ZNF233: variants seen among roughly 807,000 people sequenced by gnomAD.
ZNF233 encodes the protein zinc finger protein 233.
A neutral mutation model predicts 11.6 loss-of-function variants in ZNF233; 7 were observed. The observed-to-expected ratio is 0.60, with a 90% CI of 0.34 to 1.13. The LOEUF (loss-of-function observed/expected upper bound fraction) is 1.13, where lower values mean the gene tolerates loss of function less well. ZNF233 is among the 50% of genes most tolerant of loss of function. ZNF233 has a pLI of 0.03. For synonymous variants in ZNF233, 226 were observed against 268.5 expected, an observed-to-expected ratio of 0.84 and a Z score of 1.55; for missense variants, 711 against 785.5, an observed-to-expected ratio of 0.91 and a Z score of 1.13.
At position 44,273,902 on chromosome 19, in the gene ZNF233, A is replaced by G. The variant is rs1236379207; in HGVS notation, c.1242A>G (p.Gln414=). 3 of 1,614,124 alleles carry G rather than the reference A, an allele frequency of 1.9e-6. No homozygotes were observed. Among genetic ancestry groups the G allele is most frequent in the Non-Finnish European group, 2.5e-6 (3 of 1,180,050 alleles). The change falls in exon 5 of 5, where the codon CAA becomes CAG. Residue 414 remains glutamine, a synonymous_variant. Coordinates refer to ENST00000683810, the MANE Select transcript of ZNF233 (RefSeq NM_001207005.2). ...GCTTCAGTCAGACATCACAACTTCA[A>G]GCCCATCAGAGAGGTCACTCTAGAG... ...DKGFSQTSQL[Q]AHQRGHSRDK...
chr19:44,272,660 G>A (rs941363031), intron 4 of ZNF233, among the ~76,000 whole-genome samples: 5 of 152,042 alleles, frequency 3.3e-5, no homozygotes, highest in Non-Finnish European at 5.9e-5. Flanking sequence ...GAATGAACCC[G>A]GGAGGTGGAG....
rs1460261062 is a variant in ZNF233, at chr19:44,273,697, T to C, written c.1037T>C (p.Val346Ala). The stretch of plus-strand genomic sequence containing the variant: ...GGAGAGAACCTCTACAGATGTCAGG[T>C]ATATGCCCGGAGCTCCAACCAGAAC... ...STGENLYRCQ[V>A]YARSSNQNSC... is the part of the protein sequence containing the mutation. The change falls in exon 5 of 5, where the codon GTA becomes GCA. Residue 346 changes from valine (V) to alanine (A), a missense_variant. By Grantham distance (64) the Val-to-Ala change is moderately conservative. Coordinates refer to ENST00000683810, the MANE Select transcript of ZNF233 (RefSeq NM_001207005.2). 3 of 1,613,840 alleles carry C rather than the reference T, an allele frequency of 1.9e-6. No individual in the cohort carries two copies. The highest frequency in any genetic ancestry group is 1.1e-5 in the South Asian group (1 of 91,058).
At chr19:44,260,068 T>TG (rs984763789) in intron 1 of ZNF233, 130 bp downstream of exon 1, 2 of 352,340 alleles carry the variant, frequency 5.7e-6, no homozygotes, top group Non-Finnish European at 1.2e-5. Flanking sequence ...GCTTGCCCTT[T>TG]GTTTTTAGGG....
At chr19:44,272,261 T>C (rs1975255627) in intron 4 of ZNF233, among the ~76,000 whole-genome samples, 1 of 145,476 alleles carries the variant, frequency 6.9e-6, no homozygotes. Flanking sequence ...CTCTTTTCCA[T>C]GGCAGATGTA....
At chr19:44,266,407 A>G (rs1351964349) in intron 3 of ZNF233, 83 bp downstream of exon 3, 1 of 1,385,158 alleles carries the variant, frequency 7.2e-7, no homozygotes, top group East Asian at 2.6e-5. Flanking sequence ...GGGACGCTTA[A>G]AATGCTTCCC....
At chr19:44,269,297 T>G (rs71362680) in intron 4 of ZNF233, among the ~76,000 whole-genome samples, 56 of 149,090 alleles carry the variant, frequency 3.8e-4, no homozygotes, top group African/African-American at 1.3e-3. Flanking sequence ...ACTGTTTTTG[T>G]TTTTTTTTTC....
chr19:44,272,631 A>G (rs1975267349), intron 4 of ZNF233, among the ~76,000 whole-genome samples: 1 of 152,126 alleles, frequency 6.6e-6, no homozygotes, highest in Non-Finnish European at 1.5e-5. Flanking sequence ...GCTACTCGGG[A>G]GGCCGAGGCA....
intron 2 of ZNF233, among the ~76,000 whole-genome samples, chr19:44,265,705 C>G (rs1353588639): frequency 1.3e-5 from 2 of 152,322 alleles, no homozygotes; most frequent in East Asian, 3.9e-4. Flanking sequence ...CAGGCGTGAG[C>G]CACTGCGGCC....
intron 4 of ZNF233, 169 bp downstream of exon 4, chr19:44,267,130 A>C (rs1975111295): frequency 5.8e-6 from 3 of 513,244 alleles, no homozygotes; most frequent in Middle Eastern, 4.2e-4. Flanking sequence ...TCCATTCTCC[A>C]CATAGCCAGA....
intron 4 of ZNF233, among the ~76,000 whole-genome samples, chr19:44,272,671 C>A (rs1038815238): frequency 6.6e-6 from 1 of 151,930 alleles, no homozygotes; most frequent in African/African-American, 2.4e-5. Flanking sequence ...GGAGGTGGAG[C>A]TTGCAGTGAG....
chr19:44,259,917 C>G lies in ZNF233; in HGVS notation c.-69C>G. On this transcript the variant is annotated 5_prime_UTR_variant, in exon 1 of 5. Coordinates refer to ENST00000683810, the MANE Select transcript of ZNF233 (RefSeq NM_001207005.2). ...TTCCGCTGCAGGAGGGCGAAGCAGC[C>G]GTCATCTATCCCCTCTGGGAGGTGA... 2.2e-6 allele frequency: 1 copy of G among 456,068 alleles called. No individual in the cohort carries two copies. Among genetic ancestry groups the G allele is most frequent in the Non-Finnish European group, 4.4e-6 (1 of 226,724 alleles). 28.3% of individuals were successfully genotyped at this position (456,068 alleles called of 1,614,324 possible).
At chr19:44,272,248 C>T (rs955312621) in intron 4 of ZNF233, among the ~76,000 whole-genome samples, 1 of 148,772 alleles carries the variant, frequency 6.7e-6, no homozygotes, top group Non-Finnish European at 1.5e-5. Context: ...AAAAAATCCT[C>T]TCCTCTTTTC....
At chr19:44,271,959 T>A (rs1975247926) in intron 4 of ZNF233, among the ~76,000 whole-genome samples, 1 of 151,760 alleles carries the variant, frequency 6.6e-6, no homozygotes, top group Non-Finnish European at 1.5e-5. Flanking sequence ...GCATGGTGGC[T>A]CACACCTGTA....
Position 44,274,583 on chromosome 19 carries a change from C to T in ZNF233, c.1923C>T (p.Val641=). The change falls in exon 5 of 5, where the codon GTC becomes GTT. Residue 641 remains valine, a synonymous_variant. Transcript: ENST00000683810. ...QTSHLQAHQR[V]HTGEKPYKCF... Reference sequence around the variant, plus strand: ...CACATCTTCAAGCCCATCAGAGAGTCCATACTGGAGAGAAACCATACAAAT... The same window carrying T: ...CACATCTTCAAGCCCATCAGAGAGTTCATACTGGAGAGAAACCATACAAAT... 1 of 1,614,042 alleles carries T rather than the reference C, an allele frequency of 6.2e-7. No individual in the cohort carries two copies. The highest frequency in any genetic ancestry group is 8.5e-7 in the Non-Finnish European group (1 of 1,179,992).
intron 2 of ZNF233, 58 bp downstream of exon 2, chr19:44,264,433 G>C: frequency 6.6e-7 from 1 of 1,526,370 alleles, no homozygotes; most frequent in South Asian, 1.2e-5. Context: ...TCAAAGATTA[G>C]ACACTTTTTT....
chr19:44,274,631 T>G lies in ZNF233; in HGVS notation c.1971T>G (p.Phe657Leu), dbSNP rs375321862. The change falls in exon 5 of 5, where the codon TTT (phenylalanine) becomes TTG (leucine). Residue 657 changes from phenylalanine to leucine, a missense_variant. Transcript: ENST00000683810. ...AATGTTTTGTGTGTGGTAAGGGCTTTAGTAAGAGTTCGTTGTCTTCAGATT... is the reference window on the plus strand; with the variant it reads ...AATGTTTTGTGTGTGGTAAGGGCTTGAGTAAGAGTTCGTTGTCTTCAGATT... ...PYKCFVCGKG[F>L]SKSSLSSDSS... The G allele has an allele frequency of 2.8e-5, 45 of 1,592,830 alleles. No individual in the cohort carries two copies. The highest frequency in any genetic ancestry group is 2.1e-4 in the Admixed American group (12 of 57,918).
At chr19:44,266,498 G>A (rs1232614383) in intron 3 of ZNF233, among the ~76,000 whole-genome samples, 174 bp downstream of exon 3, 2 of 152,132 alleles carry the variant, frequency 1.3e-5, no homozygotes, top group Non-Finnish European at 2.9e-5. Context: ...TTGCAGTTGT[G>A]AAATCTTGGT....
chr19:44,263,420 A>G (rs1974988639), intron 1 of ZNF233, among the ~76,000 whole-genome samples: 1 of 152,206 alleles, frequency 6.6e-6, no homozygotes, highest in South Asian at 2.1e-4. Context: ...CCCCAAAGCA[A>G]CTGTAAATTA....
chr19:44,271,129 G>T (rs1975227481), intron 4 of ZNF233, among the ~76,000 whole-genome samples: 1 of 152,132 alleles, frequency 6.6e-6, no homozygotes, highest in South Asian at 2.1e-4. Flanking sequence ...CATTTATCAT[G>T]TTCACTAATT....
Sources: gnomAD v4.1 joint callset for allele counts (sites outside exome capture counted in the v4.1 genomes callset) on GRCh38, gnomAD v4.1.1 for gene constraint, MANE v1.5 for transcripts, NCBI Gene and HGNC (gene_info 2026-07-23, HGNC 2026-07-21) for gene names.